The following PI4K2B variants were observed in gnomAD, a reference collection of about 807,000 sequenced individuals.
The protein encoded by PI4K2B is phosphatidylinositol 4-kinase type 2-beta.
A neutral mutation model predicts 56.6 loss-of-function variants in PI4K2B; 46 were observed. The ratio of observed to expected loss-of-function variants is 0.81; its 90% CI spans 0.64 to 1.04. The LOEUF (loss-of-function observed/expected upper bound fraction) is 1.04, where lower values mean the gene tolerates loss of function less well. PI4K2B is among the 50% of genes least tolerant of loss of function. The pLI, the probability that PI4K2B is intolerant of heterozygous loss-of-function variation, is 0.00. For synonymous variants in PI4K2B, 211 were observed against 223.8 expected (o/e 0.94, Z 0.51); for missense variants, 556 against 607.7 (o/e 0.91, Z 0.89).
At chr4:25,262,807 T>A (rs1339712346) in intron 6 of PI4K2B, among the ~76,000 whole-genome samples, 1 of 152,192 alleles carries the variant, frequency 6.6e-6, no homozygotes, top group Non-Finnish European at 1.5e-5. Flanking sequence ...TCCGCAGAAA[T>A]ACTCTTTAAC....
At chr4:25,246,792 C>T (rs954425320) in intron 1 of PI4K2B, among the ~76,000 whole-genome samples, 7 of 152,228 alleles carry the variant, frequency 4.6e-5, no homozygotes, top group African/African-American at 7.2e-5. Context: ...TAAGGCCCTG[C>T]GAGAAATTGA....
At chr4:25,251,165 G>A (rs1225808625) in intron 1 of PI4K2B, among the ~76,000 whole-genome samples, 1 of 152,210 alleles carries the variant, frequency 6.6e-6, no homozygotes, top group Non-Finnish European at 1.5e-5. Context: ...ACGGAGAGAA[G>A]AGGACTGTGA....
Position 25,234,094 on chromosome 4 carries a change from A to G in PI4K2B, c.-70A>G, listed in dbSNP as rs1715119873. ...TACCCGGTCGCTCCCGTTCCGCGCC[A>G]TGCAGAGCCCAGTCTCTGGCACCTG... On this transcript the variant is annotated 5_prime_UTR_variant, in exon 1 of 10. It removes an upstream start codon present in the reference 5' UTR. Transcript: ENST00000264864. 4 of 1,204,994 alleles carry G rather than the reference A, an allele frequency of 3.3e-6. No homozygotes were observed. The South Asian group carries it at 1.4e-4, about 42-fold the overall frequency. 74.6% of individuals were successfully genotyped at this position (1,204,994 alleles called of 1,614,324 possible). A position where few individuals can be genotyped will look rare whatever the true frequency, so the allele number is the denominator to read the frequency against.
chr4:25,270,592 C>T (rs984724284), intron 9 of PI4K2B, among the ~76,000 whole-genome samples: 3 of 152,086 alleles, frequency 2.0e-5, no homozygotes, highest in Admixed American at 6.5e-5. Flanking sequence ...GTGATCCAGC[C>T]GCCTTGGCCT....
chr4:25,249,057 A>G (rs951612220), intron 1 of PI4K2B, among the ~76,000 whole-genome samples: 39 of 152,314 alleles, frequency 2.6e-4, no homozygotes, highest in Non-Finnish European at 4.4e-4. Flanking sequence ...AACAAAGCAC[A>G]TCTTGCACCG....
Position 25,234,204 on chromosome 4 carries a change from A to G in PI4K2B, c.41A>G (p.Asp14Gly). ...PSEPDRLASA[D>G]GGSPEEEEDG... is the part of the protein sequence containing the mutation. ...GAGCCCGACCGGTTGGCGTCCGCGG[A>G]CGGCGGGAGCCCGGAGGAGGAGGAG... is the stretch of plus-strand genomic sequence containing the variant. The change falls in exon 1 of 10, where the codon GAC becomes GGC. Residue 14 changes from aspartate (D) to glycine (G), a missense_variant. By Grantham distance (94) the Asp-to-Gly change is moderately conservative. Transcript: ENST00000264864. 7.1e-7 allele frequency: 1 copy of G among 1,405,498 alleles called. No individual in the cohort carries two copies. 87.1% of individuals were successfully genotyped at this position (1,405,498 alleles called of 1,614,324 possible). A position where few individuals can be genotyped will look rare whatever the true frequency, so the allele number is the denominator to read the frequency against.
At chr4:25,270,207 G>A (rs369993158) in intron 9 of PI4K2B, among the ~76,000 whole-genome samples, 15 of 151,812 alleles carry the variant, frequency 9.9e-5, no homozygotes, top group African/African-American at 3.4e-4. Flanking sequence ...CTTTTTTCGC[G>A]GAATGTGGCT....
chr4:25,247,592 A>T (rs1317414663), intron 1 of PI4K2B, among the ~76,000 whole-genome samples: 1 of 152,190 alleles, frequency 6.6e-6, no homozygotes, highest in African/African-American at 2.4e-5. Flanking sequence ...CATGCCCTAG[A>T]TGTAGGGGCC....
chr4:25,246,459 C>A (rs1395553413), intron 1 of PI4K2B, among the ~76,000 whole-genome samples: 1 of 152,216 alleles, frequency 6.6e-6, no homozygotes, highest in Non-Finnish European at 1.5e-5. Flanking sequence ...ATTTACAAAC[C>A]TTGAGCTAGA....
intron 1 of PI4K2B, among the ~76,000 whole-genome samples, chr4:25,239,361 C>T (rs936525475): frequency 6.6e-5 from 10 of 152,176 alleles, no homozygotes; most frequent in East Asian, 1.9e-4. Flanking sequence ...CAGGCATGGC[C>T]GGCTGTAGGT....
intron 1 of PI4K2B, among the ~76,000 whole-genome samples, chr4:25,247,747 C>T (rs920070966): frequency 9.9e-5 from 15 of 152,134 alleles, no homozygotes; most frequent in Non-Finnish European, 2.9e-5. Context: ...TTCTGACACT[C>T]AGGCTGAGTG....
At chr4:25,237,109 G>C (rs983606995) in intron 1 of PI4K2B, among the ~76,000 whole-genome samples, 14 of 152,182 alleles carry the variant, frequency 9.2e-5, no homozygotes, top group African/African-American at 3.4e-4. Flanking sequence ...TCATATGTCT[G>C]TTATCTTCAA....
intron 9 of PI4K2B, among the ~76,000 whole-genome samples, chr4:25,270,194 T>C (rs1418967528): frequency 6.6e-6 from 1 of 152,196 alleles, no homozygotes; most frequent in Non-Finnish European, 1.5e-5. Flanking sequence ...GATTACTTTT[T>C]TTCTTTTTTC....
At chr4:25,241,876 A>G (rs1715540700) in intron 1 of PI4K2B, among the ~76,000 whole-genome samples, 1 of 152,204 alleles carries the variant, frequency 6.6e-6, no homozygotes, top group African/African-American at 2.4e-5. Flanking sequence ...TGGAGCTTGT[A>G]CTAGGGCCTG....
intron 6 of PI4K2B, among the ~76,000 whole-genome samples, chr4:25,262,374 C>T (rs1259409585): frequency 6.6e-6 from 1 of 152,092 alleles, no homozygotes; most frequent in Non-Finnish European, 1.5e-5. Context: ...AATTAAATAA[C>T]ATAAGCTCCC....
chr4:25,269,702 A>G (rs1278665627), intron 9 of PI4K2B, among the ~76,000 whole-genome samples: 1 of 151,150 alleles, frequency 6.6e-6, no homozygotes, highest in Non-Finnish European at 1.5e-5. Flanking sequence ...CTTATAAATT[A>G]GGTGGGTTTT....
rs372556364 is a variant in PI4K2B, at chr4:25,246,897, C to T, written c.269-5424C>T. 1.2e-3 allele frequency among the ~76,000 whole-genome samples: 183 copies of T among 152,316 alleles called. 2 individuals carry two copies. In the South Asian group the frequency reaches 0.022, roughly 18 times the overall value. On this transcript the variant is annotated intron_variant, in intron 1 of 9. Coordinates refer to ENST00000264864, the MANE Select transcript of PI4K2B (RefSeq NM_018323.4). ...CTGCCTGGGGCCTGGCGGGGCAGGC[C>T]GGCTGCTCCCAGTGTGGGGCCTGCC...
At chr4:25,252,560 A>G (rs969491689) in intron 2 of PI4K2B, 85 bp downstream of exon 2, 11 of 943,888 alleles carry the variant, frequency 1.2e-5, no homozygotes, top group Non-Finnish European at 1.8e-5. Flanking sequence ...GTTTCTAAAG[A>G]TATTTTCCTA....
At chr4:25,248,655 T>G (rs1715899226) in intron 1 of PI4K2B, among the ~76,000 whole-genome samples, 1 of 152,004 alleles carries the variant, frequency 6.6e-6, no homozygotes, top group African/African-American at 2.4e-5. Flanking sequence ...GTACATAAAG[T>G]TCAATAATAT....
Sources: gnomAD v4.1 joint callset for allele counts (sites outside exome capture counted in the v4.1 genomes callset) on GRCh38, gnomAD v4.1.1 for gene constraint, MANE v1.5 for transcripts, NCBI Gene and HGNC (gene_info 2026-07-23, HGNC 2026-07-21) for gene names.